RHBDF1: variants seen among roughly 807,000 people sequenced by gnomAD.
RHBDF1 encodes rhomboid 5 homolog 1, also known as inactive rhomboid protein 1.
In RHBDF1, 80 loss-of-function variants were observed where a neutral mutation model predicts 98.6. The ratio of observed to expected loss-of-function variants is 0.81; its 90% confidence interval spans 0.68 to 0.98. The LOEUF is 0.98. Ranked by LOEUF, RHBDF1 falls within the 50% of genes least tolerant of loss-of-function variation. The pLI is 0.00. For missense variants in RHBDF1, 1,116 were observed against 1,198.3 expected (o/e 0.93, Z 1.01); for synonymous variants, 512 against 486.8 (o/e 1.05, Z -0.68).
intron 3 of RHBDF1, 60 bp from the exon 4 acceptor site, chr16:63,860 C>A: frequency 2.8e-6 from 4 of 1,437,386 alleles, no homozygotes; most frequent in Non-Finnish European, 3.8e-6. Flanking sequence ...CAGGGGACTT[C>A]AAAGGCCCTC....
At position 61,826 on chromosome 16, in the gene RHBDF1, G is replaced by A. The variant is rs1897638977; in HGVS notation, c.1180C>T (p.Arg394Cys). 4.3e-6 allele frequency: 7 copies of A among 1,612,588 alleles called. No individual in the cohort carries two copies. Among genetic ancestry groups the A allele is most frequent in the Non-Finnish European group, 5.9e-6 (7 of 1,179,786 alleles). ...YRKRIDSFVK[R>C]QIEDMDDHRP... ...TGGTCGTCCATGTCCTCGATCTGGCGCTTGACGAAGCTGTCGATGCGCTTG... is the reference window on the plus strand; with the variant it reads ...TGGTCGTCCATGTCCTCGATCTGGCACTTGACGAAGCTGTCGATGCGCTTG... The change falls in exon 8 of 18, where the codon CGC (arginine) becomes TGC (cysteine). Residue 394 changes from arginine (R) to cysteine (C), a missense_variant. Physicochemically the swap from Arg to Cys is radical, Grantham distance 180. Coordinates refer to ENST00000262316, the MANE Select transcript of RHBDF1 (RefSeq NM_022450.5).
In RHBDF1 at chr16:67,895, G is replaced by A. The variant is rs939541802; in HGVS notation, c.-24-2856C>T. Reference sequence around the variant, plus strand: ...AGCTGCCTGGCATGAGCGGATGCAAGCAGGAACAGTCAGGGGGTGAGAAGA... The same window carrying A: ...AGCTGCCTGGCATGAGCGGATGCAAACAGGAACAGTCAGGGGGTGAGAAGA... On this transcript the variant is annotated intron_variant, in intron 1 of 17. Transcript: ENST00000262316. 1.8e-4 allele frequency among the ~76,000 whole-genome samples: 28 copies of A among 152,310 alleles called. 1 individual carries two copies. The highest frequency in any genetic ancestry group is 8.8e-5 in the Non-Finnish European group (6 of 68,026).
Position 61,201 on chromosome 16 carries a change from CGCCGA to C in RHBDF1, c.1471_1475del (p.Ser491AlafsTer64), listed in dbSNP as rs1897602785. 6.5e-7 allele frequency: 1 copy of C among 1,544,318 alleles called. No homozygotes were observed. Among genetic ancestry groups the C allele is most frequent in the Non-Finnish European group, 8.7e-7 (1 of 1,145,574 alleles). On this transcript the variant is annotated frameshift_variant, in exon 11 of 18. Transcript: ENST00000262316. LOFTEE classifies it high-confidence loss of function. ...AGGCGGAGTGCTTCTCGCGCTCGCGCGCCGAGCGAATGAAGCTGTGCACCTGCGGG... is the reference window on the plus strand; with the variant it reads ...AGGCGGAGTGCTTCTCGCGCTCGCGCGCGAATGAAGCTGTGCACCTGCGGG...
At chr16:72,467 ACCCGCCCGCCCCCGGAG>A in intron 1 of RHBDF1, 29 bp downstream of exon 1, 1 of 933,416 alleles carries the variant, frequency 1.1e-6, no homozygotes, top group Non-Finnish European at 1.3e-6. Context: ...CAGCCCCGGA[ACCCGCCCGCCCCCGGAG>A]CCCTGCGCTC....
At chr16:76,078 C>T (rs1383197167), upstream of RHBDF1, among the ~76,000 whole-genome samples, 2 of 152,170 alleles carry the variant, frequency 1.3e-5, no homozygotes, top group South Asian at 2.1e-4. Flanking sequence ...TTGTGGAGGT[C>T]GGGGGTCAGG....
In RHBDF1 at chr16:60,296, T is replaced by C. The variant is rs372371952; in HGVS notation, c.1659-17A>G. ...TCACACACCCTGCATGAGCCAAGTA[T>C]GTGGTCAGACCGGCTTCGAGCCCCT... On this transcript the variant is annotated splice_polypyrimidine_tract_variant and intron_variant, in intron 12 of 17. Coordinates refer to ENST00000262316, the MANE Select transcript of RHBDF1 (RefSeq NM_022450.5). 3.2e-5 allele frequency: 51 copies of C among 1,613,832 alleles called. No individual in the cohort carries two copies. The highest frequency in any genetic ancestry group is 4.0e-5 in the Non-Finnish European group (47 of 1,179,990).
chr16:59,222 C>A (rs778801121), intron 16 of RHBDF1, 27 bp downstream of exon 16: 1 of 1,590,538 alleles, frequency 6.3e-7, no homozygotes, highest in Non-Finnish European at 8.6e-7. Flanking sequence ...CCCTGAGACC[C>A]CCGACCCGGC....
At chr16:63,207 A>T in intron 4 of RHBDF1, 25 bp from the exon 5 acceptor site, 4 of 1,535,024 alleles carry the variant, frequency 2.6e-6, no homozygotes, top group Non-Finnish European at 3.5e-6. Flanking sequence ...GAGATGCTGG[A>T]GTCAGGACCA....
Position 59,718 on chromosome 16 carries a change from G to A in RHBDF1, c.1817+14C>T, listed in dbSNP as rs1481569318. The A allele has an allele frequency of 2.5e-6, 4 of 1,613,394 alleles. No individual in the cohort carries two copies. The highest frequency in any genetic ancestry group is 3.4e-6 in the Non-Finnish European group (4 of 1,179,614). On this transcript the variant is annotated intron_variant, in intron 14 of 17. Coordinates refer to ENST00000262316, the MANE Select transcript of RHBDF1 (RefSeq NM_022450.5). ...GCCCAGAGACCAGCTGCACTCGCTG[G>A]CACGCACACGTACCTGCCCTTGGTG... is the stretch of plus-strand genomic sequence containing the variant.
chr16:66,301 C>T (rs532793832), intron 1 of RHBDF1, among the ~76,000 whole-genome samples: 1 of 152,294 alleles, frequency 6.6e-6, no homozygotes, highest in South Asian at 2.1e-4. Context: ...TCACAGGTCT[C>T]CCTCCCAACT....
In RHBDF1 at chr16:63,441, G is replaced by A. The variant is rs1036682694; in HGVS notation, c.462+146C>T. On this transcript the variant is annotated intron_variant, in intron 4 of 17. Coordinates refer to ENST00000262316, the MANE Select transcript of RHBDF1 (RefSeq NM_022450.5). ...GTACCCCTTCCCAGAGACTGTTTCAGGTGCCTTCACGAGCAGGCTGTCTGA... is the reference window on the plus strand; with the variant it reads ...GTACCCCTTCCCAGAGACTGTTTCAAGTGCCTTCACGAGCAGGCTGTCTGA... The A allele has an allele frequency of 2.1e-5, 15 of 726,612 alleles. No homozygotes were observed. The Admixed American group carries it at 3.2e-4, about 15-fold the overall frequency. The allele number at this position is 726,612 out of a possible 1,614,324, so 45.0% of individuals were successfully genotyped here.
chr16:62,590 G>C lies in RHBDF1; in HGVS notation c.901C>G (p.Leu301Val). 1.9e-6 allele frequency: 3 copies of C among 1,613,688 alleles called. No homozygotes were observed. The highest frequency in any genetic ancestry group is 2.5e-6 in the Non-Finnish European group (3 of 1,180,026). The change falls in exon 7 of 18, where the codon CTC (leucine) becomes GTC (valine). Residue 301 changes from leucine to valine, a missense_variant. By Grantham distance (32) the Leu-to-Val change is conservative. Transcript: ENST00000262316. ...DWEKAPEQAD[L>V]TGGALDRSEL... ...CTGCGGTCCAGGGCCCCGCCGGTGA[G>C]GTCCGCCTGCTCCGGTGCCTTCTCC...
In RHBDF1 at chr16:61,199, C is replaced by A. The variant is rs1897602439; in HGVS notation, c.1478G>T (p.Arg493Leu). 1 of 1,544,028 alleles carries A rather than the reference C, an allele frequency of 6.5e-7. No homozygotes were observed. The highest frequency in any genetic ancestry group is 1.2e-5 in the South Asian group (1 of 83,986). ...GCAGGCGGAGTGCTTCTCGCGCTCG[C>A]GCGCCGAGCGAATGAAGCTGTGCAC... ...PQVHSFIRSAREREKHSACCV... is the reference protein window; with the variant it reads ...PQVHSFIRSALEREKHSACCV... Residue 493 changes from arginine to leucine, a missense_variant, in exon 11 of 18, where the codon CGC becomes CTC. Coordinates refer to ENST00000262316, the MANE Select transcript of RHBDF1 (RefSeq NM_022450.5).
At chr16:75,213 C>T (rs1898064127), upstream of RHBDF1, among the ~76,000 whole-genome samples, 1 of 152,166 alleles carries the variant, frequency 6.6e-6, no homozygotes, top group South Asian at 2.1e-4. Flanking sequence ...CCCAGCACTC[C>T]CGGGGCTGGT....
chr16:63,830 G>A, intron 3 of RHBDF1, 30 bp from the exon 4 acceptor site: 2 of 1,587,320 alleles, frequency 1.3e-6, no homozygotes, highest in Non-Finnish European at 1.7e-6. Flanking sequence ...GCAAGGGGCG[G>A]CCAGATCGCC....
chr16:58,672 G>T lies in RHBDF1; in HGVS notation c.2236C>A (p.Arg746Ser). The T allele has an allele frequency of 6.2e-7, 1 of 1,613,150 alleles. No homozygotes were observed. Among genetic ancestry groups the T allele is most frequent in the Non-Finnish European group, 8.5e-7 (1 of 1,179,990 alleles). ...ACAGCCAGCAGCTTGAAGAAGGCAC[G>T]CCAGGGCCGCGCCAGGATCTGCCAG... The part of the protein sequence containing the change: ...QSWQILARPW[R>S]AFFKLLAVVL... The change falls in exon 18 of 18, where the codon CGT (arginine) becomes AGT (serine). Residue 746 changes from arginine (R) to serine (S), a missense_variant. Physicochemically the swap from Arg to Ser is moderately radical, Grantham distance 110 (BLOSUM62 -1). Transcript: ENST00000262316.
At position 59,091 on chromosome 16, in the gene RHBDF1, C is replaced by A. The variant is rs1897498254; in HGVS notation, c.2031G>T (p.Met677Ile). Residue 677 changes from methionine (M) to isoleucine (I), a missense_variant, in exon 17 of 18, where the codon ATG becomes ATT. By Grantham distance (10) the Met-to-Ile change is conservative (BLOSUM62 1). Transcript: ENST00000262316. ...GCTTCTCCAGGTCCCGCAGGACAGT[C>A]ATCTGGAAGCAGATGGACACCAGGC... ...LHCLVSICFQ[M>I]TVLRDLEKLA... 1 of 1,613,494 alleles carries A rather than the reference C, an allele frequency of 6.2e-7. No individual in the cohort carries two copies. Among genetic ancestry groups the A allele is most frequent in the African/African-American group, 1.3e-5 (1 of 74,932 alleles).
intron 13 of RHBDF1, 151 bp downstream of exon 13, chr16:60,065 T>C: frequency 1.3e-6 from 2 of 1,501,332 alleles, no homozygotes; most frequent in Non-Finnish European, 8.9e-7. Context: ...CGCTGGTTGA[T>C]GGACAGGCTG....
intron 7 of RHBDF1, 63 bp from the exon 8 acceptor site, chr16:62,115 G>A: frequency 7.0e-7 from 1 of 1,429,770 alleles, no homozygotes; most frequent in Admixed American, 2.9e-5. Context: ...CCCTCCCCGG[G>A]GGGCACCAGG....
Sources: gnomAD v4.1 joint callset for allele counts (sites outside exome capture counted in the v4.1 genomes callset) on GRCh38, gnomAD v4.1.1 for gene constraint, MANE v1.5 for transcripts, NCBI Gene and HGNC (gene_info 2026-07-23, HGNC 2026-07-21) for gene names.